Variants in KIF1C observed in about 807,000 individuals in gnomAD.
The protein encoded by KIF1C is kinesin-like protein KIF1C.
In KIF1C, 61 loss-of-function variants were observed where a neutral mutation model predicts 126.5. That is an observed-to-expected ratio of 0.48 (90% CI 0.39 to 0.60). KIF1C has a LOEUF of 0.60. Ranked by LOEUF, KIF1C falls within the 20% of genes least tolerant of loss-of-function variation. The pLI is 0.00. For synonymous variants in KIF1C, 640 were observed against 580.6 expected (o/e 1.10, Z -1.47); for missense variants, 1,315 against 1,489.2 (o/e 0.88, Z 1.93).
intron 18 of KIF1C, among the ~76,000 whole-genome samples, chr17:5,018,968 GGCACCC>G (rs1300195932): frequency 6.6e-6 from 1 of 152,036 alleles, no homozygotes; most frequent in Admixed American, 6.6e-5. Context: ...ACCCCCTCTA[GGCACCC>G]GCATCCCGTC....
At chr17:5,002,388 C>G (rs1974617405) in intron 6 of KIF1C, 76 bp from the exon 7 acceptor site, 5 of 1,359,126 alleles carry the variant, frequency 3.7e-6, no homozygotes, top group African/African-American at 2.9e-5. Flanking sequence ...TGGATCGTGT[C>G]CAGTGGAGTC....
intron 11 of KIF1C, 45 bp from the exon 12 acceptor site, chr17:5,004,522 T>C (rs189947188): frequency 3.2e-6 from 5 of 1,585,932 alleles, no homozygotes; most frequent in East Asian, 2.2e-5. Flanking sequence ...TGACTTTGCT[T>C]AGCCCCTCCC....
At chr17:5,014,493 A>G (rs1191883544) in intron 17 of KIF1C, among the ~76,000 whole-genome samples, 1 of 151,824 alleles carries the variant, frequency 6.6e-6, no homozygotes, top group Non-Finnish European at 1.5e-5. Flanking sequence ...GAAGTTGGCG[A>G]GCCTGCTGTA....
chr17:5,004,707 C>A, intron 12 of KIF1C, 62 bp downstream of exon 12: 1 of 1,588,004 alleles, frequency 6.3e-7, no homozygotes, highest in Non-Finnish European at 8.6e-7. Flanking sequence ...AGTTCAGAGG[C>A]GAGTTGCTCA....
intron 18 of KIF1C, among the ~76,000 whole-genome samples, chr17:5,015,582 C>CTTTTTTTTTTTTTTTT (rs58961639): frequency 1.4e-5 from 1 of 71,244 alleles, no homozygotes; most frequent in Non-Finnish European, 2.6e-5. Context: ...CTGCCCCCAG[C>CTTTTTTTTTTTTTTTT]TTTTTTTTTT....
chr17:5,014,366 G>C (rs948599242), intron 17 of KIF1C: 46 of 207,862 alleles, frequency 2.2e-4, no homozygotes, highest in Admixed American at 2.0e-3. Flanking sequence ...CTGCTTTTGG[G>C]GTATGGCTGC....
intron 16 of KIF1C, among the ~76,000 whole-genome samples, chr17:5,010,768 A>G (rs1160747514): frequency 6.6e-6 from 1 of 151,454 alleles, no homozygotes; most frequent in African/African-American, 2.4e-5. Flanking sequence ...TTTTTTTTTT[A>G]ATCTATATTG....
At chr17:5,000,532 G>A (rs1335440726) in intron 3 of KIF1C, among the ~76,000 whole-genome samples, 180 bp downstream of exon 3, 1 of 152,088 alleles carries the variant, frequency 6.6e-6, no homozygotes, top group Non-Finnish European at 1.5e-5. Flanking sequence ...CTGGGAGGGG[G>A]AATGTTGGCC....
intron 21 of KIF1C, among the ~76,000 whole-genome samples, chr17:5,021,868 A>G (rs565379901): frequency 1.0e-3 from 154 of 152,162 alleles, no homozygotes; most frequent in Non-Finnish European, 1.9e-3. Flanking sequence ...CCATGGTTCT[A>G]AGTACTCCAC....
chr17:5,003,669 G>T lies in KIF1C; in HGVS notation c.778G>T (p.Ala260Ser), dbSNP rs1974659029. The change falls in exon 9 of 23, where the codon GCC becomes TCC. Residue 260 changes from alanine to serine, a missense_variant. Physicochemically the swap from Ala to Ser is moderately conservative, Grantham distance 99. Around this residue, in one of 2 missense-constraint regions of KIF1C, gnomAD observed 874 missense variants for 1,053.2 expected, o/e 0.83. Transcript: ENST00000320785. Reference protein sequence around the residue: ...AGSERADSSGARGMRLKEGAN... With the variant: ...AGSERADSSGSRGMRLKEGAN... ...GAGTGAGCGAGCCGACTCCTCAGGG[G>T]CCCGGGGCATGCGCCTGAAGGTGAG... 2 of 1,613,772 alleles carry T rather than the reference G, an allele frequency of 1.2e-6. No homozygotes were observed. The highest frequency in any genetic ancestry group is 1.1e-5 in the South Asian group (1 of 91,026).
intron 18 of KIF1C, among the ~76,000 whole-genome samples, 181 bp downstream of exon 18, chr17:5,015,018 C>G (rs558589083): frequency 6.4e-4 from 97 of 152,288 alleles, no homozygotes; most frequent in Non-Finnish European, 2.8e-4. Context: ...ACCACAGGCC[C>G]AGCCCTCTGC....
Position 5,002,862 on chromosome 17 carries a change from C to A in KIF1C, c.720+20C>A, listed in dbSNP as rs201019441. The A allele has an allele frequency of 2.1e-4, 310 of 1,484,790 alleles. 1 individual carries two copies. Among genetic ancestry groups the A allele is most frequent in the South Asian group, 8.5e-4 (75 of 87,912 alleles). The allele number at this position is 1,484,790 out of a possible 1,614,324, so 92.0% of individuals were successfully genotyped here. ...GAGAAGGTGGGATCGCCCCCCCCCCCACTCCCCCACCGGATGCAACCTCCC... is the reference window on the plus strand; with the variant it reads ...GAGAAGGTGGGATCGCCCCCCCCCCAACTCCCCCACCGGATGCAACCTCCC... On this transcript the variant is annotated intron_variant, in intron 8 of 22. Transcript: ENST00000320785.
intron 14 of KIF1C, 66 bp from the exon 15 acceptor site, chr17:5,007,197 G>T: frequency 6.4e-7 from 1 of 1,573,152 alleles, no homozygotes; most frequent in Non-Finnish European, 8.7e-7. Context: ...CCCCAGGGTA[G>T]GTTGTCCCTA....
In KIF1C at chr17:5,023,354, G is replaced by C. The variant is rs1567729224; in HGVS notation, c.2629-114G>C. On this transcript the variant is annotated intron_variant, in intron 22 of 22. Coordinates refer to ENST00000320785, the MANE Select transcript of KIF1C (RefSeq NM_006612.6). This position sits in a 1 kb window ranked among gnomAD's most constrained non-coding sequence, Gnocchi z 4.2. ...ATTTTTCGAGCTTCCTTATCTCTAG[G>C]CTTTTCTCTGGACCCTTTGACATCC... 1 of 856,314 alleles carries C rather than the reference G, an allele frequency of 1.2e-6. No individual in the cohort carries two copies. The highest frequency in any genetic ancestry group is 1.8e-6 in the Non-Finnish European group (1 of 548,280). The allele number at this position is 856,314 out of a possible 1,614,324, so 53.0% of individuals were successfully genotyped here.
chr17:4,999,271 G>A (rs1323554461), intron 1 of KIF1C, among the ~76,000 whole-genome samples: 3 of 152,226 alleles, frequency 2.0e-5, no homozygotes, highest in Non-Finnish European at 2.9e-5. Flanking sequence ...CATGGAGGTT[G>A]TGGGCCTCAG....
rs141589627 is a variant in KIF1C, at chr17:5,023,866, C to T, written c.3027C>T (p.Val1009=). Residue 1009 remains valine, a synonymous_variant, in exon 23 of 23, where the codon GTC becomes GTT. Transcript: ENST00000320785. This position sits in a 1 kb window ranked among gnomAD's most constrained non-coding sequence, Gnocchi z 4.2. ...CTCCGCTCCAACCCCCTGAGGAGGT[C>T]ACTCCCCATCCAGCCACCCCTGCCC... The part of the protein sequence containing the change: ...APTPLQPPEE[V]TPHPATPARR... The T allele has an allele frequency of 2.1e-4, 323 of 1,528,172 alleles. No homozygotes were observed. The African/African-American group carries it at 4.0e-3, about 19-fold the overall frequency. The allele number at this position is 1,528,172 out of a possible 1,614,324, so 94.7% of individuals were successfully genotyped here.
rs1975163651 is a variant in KIF1C at position 5,024,241 on chromosome 17, C to T, written c.*90C>T. The T allele has an allele frequency of 1.1e-6, 1 of 900,840 alleles. No individual in the cohort carries two copies. Among genetic ancestry groups the T allele is most frequent in the Admixed American group, 2.4e-5 (1 of 41,668 alleles). The allele number at this position is 900,840 out of a possible 1,614,324, so 55.8% of individuals were successfully genotyped here. A position where few individuals can be genotyped will look rare whatever the true frequency, so the allele number is the denominator to read the frequency against. ...CGCTGCTTCCCCAGAAGTGCTGGGG[C>T]AGGGAGGCCCAGGAGATGAGAGAGA... On this transcript the variant is annotated 3_prime_UTR_variant, in exon 23 of 23. Transcript: ENST00000320785.
At position 5,006,418 on chromosome 17, in the gene KIF1C, C is replaced by T. The variant is rs754439554; in HGVS notation, c.1166-497C>T. ...ATGGCGTGGTCTCGGCTCACTGCAA[C>T]CTCTACCTCCTGGGTTCAAGTGATT... On this transcript the variant is annotated intron_variant, in intron 13 of 22. Transcript: ENST00000320785. Among the ~76,000 whole-genome samples the T allele has an allele frequency of 8.8e-4, 134 of 151,948 alleles. No individual in the cohort carries two copies. In the Middle Eastern group the frequency reaches 0.017, roughly 19 times the overall value.
chr17:5,013,313 C>T (rs1358538279), intron 16 of KIF1C, among the ~76,000 whole-genome samples: 1 of 152,002 alleles, frequency 6.6e-6, no homozygotes, highest in East Asian at 1.9e-4. Flanking sequence ...GTGAGGGAGC[C>T]TGGTGGGTCG....
Sources: allele counts gnomAD v4.1 joint callset (sites outside exome capture counted in the v4.1 genomes callset), GRCh38; gene constraint gnomAD v4.1.1; regional missense constraint gnomAD v4.1.1; non-coding constraint Gnocchi (gnomAD v3.1); transcripts MANE v1.5; gene names NCBI Gene and HGNC (gene_info 2026-07-23, HGNC 2026-07-21).